The following ABCD3 variants were observed in gnomAD, a reference collection of about 807,000 sequenced individuals.
ABCD3 encodes the protein ATP binding cassette subfamily D member 3.
ABCD3 carries 41 observed loss-of-function variants against 105.5 expected under a neutral mutation model. That is an observed-to-expected ratio of 0.39 (90% CI 0.30 to 0.50). The LOEUF (loss-of-function observed/expected upper bound fraction) is 0.50. Ranked by LOEUF, ABCD3 falls within the 20% of genes least tolerant of loss-of-function variation. ABCD3 has a pLI of 0.84. For synonymous variants in ABCD3, 258 were observed against 269.0 expected, an observed-to-expected ratio of 0.96 and a Z score of 0.40; for missense variants, 622 against 806.3, an observed-to-expected ratio of 0.77 and a Z score of 2.77.
chr1:94,414,693 G>A (rs1339829574), upstream of ABCD3, among the ~76,000 whole-genome samples: 1 of 152,046 alleles, frequency 6.6e-6, no homozygotes, highest in African/African-American at 2.4e-5. Flanking sequence ...CATTTCACAT[G>A]CCTCCCTCAG....
chr1:94,472,160 A>AT (rs912124238), intron 4 of ABCD3: 95 of 914,702 alleles, frequency 1.0e-4, no homozygotes, highest in South Asian at 1.5e-4. Context: ...TTTGTTAATT[A>AT]TTTTTTTTGC....
chr1:94,502,787 G>A (rs553709980), intron 20 of ABCD3, among the ~76,000 whole-genome samples: 6 of 152,122 alleles, frequency 3.9e-5, no homozygotes, highest in Non-Finnish European at 7.4e-5. Context: ...TGCGTGAGCC[G>A]CCGCGCCCCA....
intron 1 of ABCD3, among the ~76,000 whole-genome samples, chr1:94,435,356 G>A (rs1425323565): frequency 2.0e-5 from 3 of 152,048 alleles, no homozygotes; most frequent in African/African-American, 7.2e-5. Context: ...TCTGGGCAAC[G>A]TAATGAGACC....
chr1:94,395,917 G>A, the ABCD3 span, among the ~76,000 whole-genome samples: 1 of 152,006 alleles, frequency 6.6e-6, no homozygotes, highest in Non-Finnish European at 1.5e-5. Flanking sequence ...CACACACACA[G>A]AGACAGACAG....
intron 16 of ABCD3, among the ~76,000 whole-genome samples, chr1:94,496,627 A>G (rs186638744): frequency 2.9e-4 from 42 of 144,956 alleles, no homozygotes; most frequent in Admixed American, 7.7e-4. Flanking sequence ...TACCTGATAC[A>G]TCTCTGATCT....
At chr1:94,406,340 GTTTT>G in the ABCD3 span, 35 of 142,512 alleles carry the variant, frequency 2.5e-4, no homozygotes, top group South Asian at 5.1e-4. Flanking sequence ...ATTTTGTTTT[GTTTT>G]TTTTTTTTTT....
the ABCD3 span, among the ~76,000 whole-genome samples, chr1:94,386,350 TAG>T: frequency 1.3e-5 from 2 of 152,344 alleles, no homozygotes; most frequent in Non-Finnish European, 2.9e-5. Flanking sequence ...ACAATACGCG[TAG>T]AGTTTCAAAA....
At chr1:94,445,307 C>T (rs1660305787) in intron 1 of ABCD3, among the ~76,000 whole-genome samples, 1 of 152,052 alleles carries the variant, frequency 6.6e-6, no homozygotes, top group Non-Finnish European at 1.5e-5. Flanking sequence ...CAAGTGGCGC[C>T]CATACATGGG....
chr1:94,469,524 CT>C (rs1312158573), intron 4 of ABCD3, among the ~76,000 whole-genome samples: 1 of 149,372 alleles, frequency 6.7e-6, no homozygotes, highest in Middle Eastern at 3.2e-3. Context: ...CTACTTCCCC[CT>C]AATTCAGTTT....
chr1:94,479,506 GAC>G (rs1648932815), intron 8 of ABCD3, among the ~76,000 whole-genome samples: 2 of 151,854 alleles, frequency 1.3e-5, no homozygotes, highest in African/African-American at 4.8e-5. Flanking sequence ...AGATAAGTAA[GAC>G]ACAATTCCTG....
chr1:94,418,420 T>G lies in ABCD3; in HGVS notation c.-59T>G. 1 of 1,375,914 alleles carries G rather than the reference T, an allele frequency of 7.3e-7. No individual in the cohort carries two copies. Among genetic ancestry groups the G allele is most frequent in the Non-Finnish European group, 1.0e-6 (1 of 1,002,952 alleles). 85.2% of individuals were successfully genotyped at this position (1,375,914 alleles called of 1,614,324 possible). On this transcript the variant is annotated 5_prime_UTR_variant, in exon 1 of 23. Transcript: ENST00000370214. ...CTCCCCCGCGCTGCGTGCAGTAAGG[T>G]AGCCGCCGCCGCCGCCGCCGCCGCG...
chr1:94,500,589 G>T (rs1397277280), intron 20 of ABCD3, among the ~76,000 whole-genome samples: 1 of 152,178 alleles, frequency 6.6e-6, no homozygotes, highest in Non-Finnish European at 1.5e-5. Flanking sequence ...CCCCTGCAGA[G>T]TATGGAGATT....
intron 16 of ABCD3, among the ~76,000 whole-genome samples, chr1:94,498,038 C>G (rs1478726462): frequency 1.3e-5 from 2 of 152,050 alleles, no homozygotes; most frequent in African/African-American, 4.8e-5. Flanking sequence ...CTTTATCTCT[C>G]TTTATCTTAA....
chr1:94,495,445 A>C (rs1240718599), intron 16 of ABCD3, among the ~76,000 whole-genome samples: 1 of 152,182 alleles, frequency 6.6e-6, no homozygotes, highest in Non-Finnish European at 1.5e-5. Context: ...GTACTTAATA[A>C]ATTTTTAATA....
intron 20 of ABCD3, among the ~76,000 whole-genome samples, chr1:94,503,167 C>A (rs1402642621): frequency 2.6e-5 from 4 of 152,106 alleles, no homozygotes; most frequent in Admixed American, 6.6e-5. Flanking sequence ...ATTGGACACT[C>A]CTGCTTTACA....
the ABCD3 span, among the ~76,000 whole-genome samples, chr1:94,387,831 C>T: frequency 6.6e-6 from 1 of 152,114 alleles, no homozygotes; most frequent in Non-Finnish European, 1.5e-5. Flanking sequence ...ATGATGGCCT[C>T]CCAACTTTTA....
intron 1 of ABCD3, among the ~76,000 whole-genome samples, chr1:94,433,583 A>T (rs1031422825): frequency 2.7e-5 from 4 of 150,506 alleles, no homozygotes; most frequent in African/African-American, 7.3e-5. Flanking sequence ...CCTGTACCTC[A>T]TGTTACTGTA....
At chr1:94,431,595 TC>T (rs374795018) in intron 1 of ABCD3, among the ~76,000 whole-genome samples, 1 of 152,272 alleles carries the variant, frequency 6.6e-6, no homozygotes, top group African/African-American at 2.4e-5. Context: ...ACAGACTCAC[TC>T]TGTGGCCTGG....
intron 10 of ABCD3, among the ~76,000 whole-genome samples, chr1:94,486,296 T>A (rs1193342853): frequency 1.3e-5 from 2 of 152,196 alleles, no homozygotes; most frequent in African/African-American, 4.8e-5. Flanking sequence ...ATCCAGAAGG[T>A]CCTGGAACCA....
Sources: gnomAD v4.1 joint callset for allele counts (sites outside exome capture counted in the v4.1 genomes callset) on GRCh38, gnomAD v4.1.1 for gene constraint, MANE v1.5 for transcripts, NCBI Gene and HGNC (gene_info 2026-07-23, HGNC 2026-07-21) for gene names.